The following VTA1 variants were observed in gnomAD, a reference collection of about 807,000 sequenced individuals.
VTA1 encodes the protein vacuolar protein sorting-associated protein VTA1 homolog.
A neutral mutation model predicts 36.9 loss-of-function variants in VTA1; 24 were observed. That is an observed-to-expected ratio of 0.65 (90% CI 0.47 to 0.91). The LOEUF (loss-of-function observed/expected upper bound fraction) is 0.91. VTA1 is among the 40% of genes least tolerant of loss of function. The probability of loss-of-function intolerance (pLI) is 0.00; values close to 1 mark genes in which losing one functional copy is unlikely to be tolerated. For synonymous variants in VTA1, 142 were observed against 130.2 expected (o/e 1.09, Z -0.62); for missense variants, 393 against 377.2 (o/e 1.04, Z -0.35).
chr6:142,159,057 C>T (rs1266568422), intron 1 of VTA1, among the ~76,000 whole-genome samples: 1 of 151,986 alleles, frequency 6.6e-6, no homozygotes, highest in Non-Finnish European at 1.5e-5. Context: ...TCATCAAGAT[C>T]CAAGTTTTAA....
rs765542635 is a variant in VTA1, at chr6:142,169,644, C to A, written c.302C>A (p.Ala101Glu). 6.2e-7 allele frequency: 1 copy of A among 1,607,926 alleles called. No homozygotes were observed. Among genetic ancestry groups the A allele is most frequent in the Non-Finnish European group, 8.5e-7 (1 of 1,178,512 alleles). Residue 101 changes from alanine (A) to glutamate (E), a missense_variant, in exon 3 of 8, where the codon GCA becomes GAA. Physicochemically the swap from Ala to Glu is moderately radical, Grantham distance 107. Transcript: ENST00000367630. ...ENYALKMFLYADNEDRAGRFH... is the reference protein window; with the variant it reads ...ENYALKMFLYEDNEDRAGRFH... ...TATGCTTTGAAAATGTTTTTGTATGCAGACAATGAAGATCGTGCTGGACGA... is the reference window on the plus strand; with the variant it reads ...TATGCTTTGAAAATGTTTTTGTATGAAGACAATGAAGATCGTGCTGGACGA...
chr6:142,157,954 G>C (rs981957033), intron 1 of VTA1, among the ~76,000 whole-genome samples: 1 of 146,682 alleles, frequency 6.8e-6, no homozygotes, highest in African/African-American at 2.5e-5. Context: ...TTGTTGTCAG[G>C]GCTGCCCAGT....
chr6:142,212,459 A>C (rs1237352800), intron 7 of VTA1, among the ~76,000 whole-genome samples: 2 of 152,162 alleles, frequency 1.3e-5, no homozygotes, highest in Admixed American at 1.3e-4. Context: ...GACATTCCGA[A>C]AAAGGCAAAC....
intron 1 of VTA1, among the ~76,000 whole-genome samples, chr6:142,163,239 C>G (rs1774843822): frequency 6.6e-6 from 1 of 151,908 alleles, no homozygotes; most frequent in Admixed American, 6.6e-5. Context: ...TCCAAGGTTG[C>G]TTTGTAGCCC....
chr6:142,207,876 G>T (rs1320000907), intron 7 of VTA1, among the ~76,000 whole-genome samples: 1 of 151,996 alleles, frequency 6.6e-6, no homozygotes, highest in Non-Finnish European at 1.5e-5. Flanking sequence ...CTGAGGTCAG[G>T]AGTTCAAGAG....
chr6:142,153,531 TCTGG>T (rs1311695878), intron 1 of VTA1, among the ~76,000 whole-genome samples: 1 of 152,100 alleles, frequency 6.6e-6, no homozygotes, highest in African/African-American at 2.4e-5. Flanking sequence ...ATGATTCACT[TCTGG>T]CCTTAATGGG....
At chr6:142,197,716 T>G (rs1775580757) in intron 5 of VTA1, among the ~76,000 whole-genome samples, 1 of 152,134 alleles carries the variant, frequency 6.6e-6, no homozygotes, top group South Asian at 2.1e-4. Flanking sequence ...TTGGATAGCA[T>G]AAATGTGGCA....
chr6:142,195,906 G>A (rs372526268), intron 5 of VTA1, among the ~76,000 whole-genome samples: 28 of 151,704 alleles, frequency 1.8e-4, no homozygotes, highest in Admixed American at 1.2e-3. Flanking sequence ...AAAAGATTTC[G>A]GTATTTTGTA....
intron 7 of VTA1, among the ~76,000 whole-genome samples, chr6:142,210,523 C>T (rs963988191): frequency 6.6e-6 from 1 of 152,110 alleles, no homozygotes; most frequent in Non-Finnish European, 1.5e-5. Flanking sequence ...ATTTGCAATC[C>T]ATCTATCTGA....
chr6:142,199,571 A>AG (rs1775638753), intron 6 of VTA1, among the ~76,000 whole-genome samples: 4 of 152,028 alleles, frequency 2.6e-5, no homozygotes, highest in Admixed American at 2.0e-4. Flanking sequence ...TATTTTACCC[A>AG]AATTTTTTTT....
Position 142,170,354 on chromosome 6 carries a change from TC to T in VTA1, c.345del (p.Lys116SerfsTer9), listed in dbSNP as rs1216204933. ...TCTCTTTTCTCTTCCAGAAACATGA[TC>T]AAGTCCTTCTATACTGCAAGTCTTT... ...DRAGRFHKNM[I>X]KSFYTASLLI... On this transcript the variant is annotated frameshift_variant, in exon 4 of 8. Transcript: ENST00000367630. LOFTEE classifies it high-confidence loss of function. 6.2e-7 allele frequency: 1 copy of T among 1,606,202 alleles called. No homozygotes were observed. Among genetic ancestry groups the T allele is most frequent in the African/African-American group, 1.3e-5 (1 of 74,696 alleles).
intron 7 of VTA1, among the ~76,000 whole-genome samples, chr6:142,217,853 GTTTTT>G (rs373440950): frequency 6.8e-6 from 1 of 147,902 alleles, no homozygotes; most frequent in Admixed American, 6.7e-5. Context: ...TGTTTTTAAT[GTTTTT>G]TTTTTAAACT....
chr6:142,162,082 G>C (rs778552873), intron 1 of VTA1, among the ~76,000 whole-genome samples: 2 of 152,142 alleles, frequency 1.3e-5, no homozygotes, highest in Non-Finnish European at 2.9e-5. Flanking sequence ...ATGTAGGCCA[G>C]GCTAATTAAA....
intron 5 of VTA1, among the ~76,000 whole-genome samples, chr6:142,193,768 A>G (rs1330611177): frequency 6.6e-6 from 1 of 151,794 alleles, no homozygotes; most frequent in African/African-American, 2.4e-5. Flanking sequence ...ATACCTGTCC[A>G]TAAGGTTCAC....
At chr6:142,172,864 C>G (rs1325192748) in intron 4 of VTA1, among the ~76,000 whole-genome samples, 1 of 151,560 alleles carries the variant, frequency 6.6e-6, no homozygotes, top group African/African-American at 2.4e-5. Flanking sequence ...GACCTACAAT[C>G]TTCAGTTTGT....
At chr6:142,168,739 T>C (rs1467824050) in intron 2 of VTA1, among the ~76,000 whole-genome samples, 1 of 129,046 alleles carries the variant, frequency 7.7e-6, no homozygotes, top group Admixed American at 8.0e-5. Flanking sequence ...CTGAGAGATA[T>C]CATTATTATT....
At chr6:142,156,176 T>C (rs1778657673) in intron 1 of VTA1, among the ~76,000 whole-genome samples, 1 of 152,172 alleles carries the variant, frequency 6.6e-6, no homozygotes, top group Non-Finnish European at 1.5e-5. Flanking sequence ...TTTCTGGTCC[T>C]TCTGTTACTA....
chr6:142,190,318 GT>G (rs539912068), intron 5 of VTA1, among the ~76,000 whole-genome samples: 2 of 151,842 alleles, frequency 1.3e-5, no homozygotes, highest in South Asian at 2.1e-4. Flanking sequence ...AGCATTTTTA[GT>G]TTTTTTTGTG....
intron 7 of VTA1, among the ~76,000 whole-genome samples, chr6:142,212,013 G>A (rs886229650): frequency 7.9e-5 from 12 of 152,170 alleles, no homozygotes; most frequent in Non-Finnish European, 1.5e-4. Flanking sequence ...AACATTGACA[G>A]CACCAAATGC....
Sources: allele counts gnomAD v4.1 joint callset (sites outside exome capture counted in the v4.1 genomes callset), GRCh38; gene constraint gnomAD v4.1.1; transcripts MANE v1.5; gene names NCBI Gene and HGNC (gene_info 2026-07-23, HGNC 2026-07-21).